The following ATP2B2 variants were observed in gnomAD, a reference collection of about 807,000 sequenced individuals.
ATP2B2 encodes plasma membrane calcium-transporting ATPase 2.
In ATP2B2, 15 loss-of-function variants were observed where a neutral mutation model predicts 120.0. That is an observed-to-expected ratio of 0.12 (90% CI 0.08 to 0.19). The LOEUF is 0.19. ATP2B2 is among the 10% of genes least tolerant of loss of function. The pLI is 1.00. For synonymous variants in ATP2B2, 694 were observed against 700.3 expected (o/e 0.99, Z 0.14); for missense variants, 1,045 against 1,719.8 (o/e 0.61, Z 6.94).
intron 1 of ATP2B2, among the ~76,000 whole-genome samples, chr3:10,501,805 G>C (rs1281389562): frequency 2.6e-5 from 4 of 152,120 alleles, no homozygotes; most frequent in African/African-American, 4.8e-5. Flanking sequence ...GAACAGCATG[G>C]TGTCTAGGCC....
At chr3:10,471,096 GCAGTCCGACCTGCC>G (rs1559378505) in intron 1 of ATP2B2, among the ~76,000 whole-genome samples, 1 of 152,186 alleles carries the variant, frequency 6.6e-6, no homozygotes, top group Non-Finnish European at 1.5e-5. Context: ...AACCCGATCC[GCAGTCCGACCTGCC>G]CAGTCCAACT....
At chr3:10,379,109 A>G in intron 9 of ATP2B2, 134 bp downstream of exon 9, 5 of 1,076,516 alleles carry the variant, frequency 4.6e-6, no homozygotes, top group Non-Finnish European at 7.0e-6. Flanking sequence ...CTACACCCCC[A>G]AGGTCGTCAG....
chr3:10,634,740 C>A (rs1473310188), intron 1 of ATP2B2, among the ~76,000 whole-genome samples: 5 of 152,176 alleles, frequency 3.3e-5, no homozygotes, highest in African/African-American at 7.2e-5. Flanking sequence ...GCCTTCTGAA[C>A]CTTGACCCCA....
chr3:10,578,378 A>C (rs1164995600), intron 2 of ATP2B2, among the ~76,000 whole-genome samples: 6 of 151,860 alleles, frequency 4.0e-5, no homozygotes, highest in Non-Finnish European at 8.8e-5. Flanking sequence ...TCCCGTTTCT[A>C]CTAAAAAAAA....
At position 10,616,682 on chromosome 3, in the gene ATP2B2, G is replaced by GCACACACA. The variant is rs34616841; in HGVS notation, c.-415+3227_-415+3234dup. Reference sequence around the variant, plus strand: ...TTCTTATACAGCTGACTAGCAAAATGCACACACACACACACACTCATTGGT... The same window carrying GCACACACA: ...TTCTTATACAGCTGACTAGCAAAATGCACACACACACACACACACACACACTCATTGGT... On this transcript the variant is annotated intron_variant, in intron 2 of 21. Coordinates refer to the ATP2B2 transcript ENST00000646379. 6.0e-5 allele frequency among the ~76,000 whole-genome samples: 9 copies of GCACACACA among 151,172 alleles called. No homozygotes were observed. The South Asian group carries it at 6.3e-4, about 11-fold the overall frequency.
At chr3:10,377,954 C>T (rs1045412271) in intron 10 of ATP2B2, among the ~76,000 whole-genome samples, 1 of 152,212 alleles carries the variant, frequency 6.6e-6, no homozygotes, top group Non-Finnish European at 1.5e-5. Flanking sequence ...TACAGAGGCT[C>T]AGAGCTAGAA....
rs548888704 is a variant in ATP2B2, at chr3:10,529,335, G to A, written c.-320+4704C>T. On this transcript the variant is annotated intron_variant, in intron 3 of 21. Coordinates refer to the ATP2B2 transcript ENST00000646379. Reference sequence around the variant, plus strand: ...AGCCAGTTGCGTACTTACCTGTTTTGTGGCCTTCCTGCCTGTAACCACCTT... The same window carrying A: ...AGCCAGTTGCGTACTTACCTGTTTTATGGCCTTCCTGCCTGTAACCACCTT... Among the ~76,000 whole-genome samples, 47 of 152,322 alleles carry A rather than the reference G, an allele frequency of 3.1e-4. No homozygotes were observed. The South Asian group carries it at 9.5e-3, about 31-fold the overall frequency.
chr3:10,428,238 G>A (rs1044617409), intron 2 of ATP2B2, among the ~76,000 whole-genome samples: 2 of 152,236 alleles, frequency 1.3e-5, no homozygotes, highest in Non-Finnish European at 2.9e-5. Context: ...GATGAGATGA[G>A]TCAGTAATGC....
At chr3:10,612,475 C>A (rs1401803955) in intron 2 of ATP2B2, among the ~76,000 whole-genome samples, 1 of 152,172 alleles carries the variant, frequency 6.6e-6, no homozygotes, top group African/African-American at 2.4e-5. Flanking sequence ...CCTCCTACCT[C>A]TCTGGCCCCT....
chr3:10,640,326 C>T (rs1343912764), intron 1 of ATP2B2, among the ~76,000 whole-genome samples: 1 of 152,170 alleles, frequency 6.6e-6, no homozygotes, highest in Non-Finnish European at 1.5e-5. Flanking sequence ...CAGACAGACA[C>T]AAGTGGTCCA....
At chr3:10,474,641 C>T (rs1284675811) in intron 1 of ATP2B2, among the ~76,000 whole-genome samples, 2 of 152,248 alleles carry the variant, frequency 1.3e-5, no homozygotes, top group Non-Finnish European at 2.9e-5. Context: ...CTGCCTGCTT[C>T]TTCAGGCTCA....
At chr3:10,376,205 CA>C (rs1301507081) in intron 10 of ATP2B2, among the ~76,000 whole-genome samples, 1 of 151,810 alleles carries the variant, frequency 6.6e-6, no homozygotes, top group Non-Finnish European at 1.5e-5. Flanking sequence ...AGACAAGAAA[CA>C]AAAAAACGAA....
chr3:10,414,841 AG>A (rs2062728838), intron 2 of ATP2B2, among the ~76,000 whole-genome samples: 1 of 151,896 alleles, frequency 6.6e-6, no homozygotes, highest in Admixed American at 6.6e-5. Flanking sequence ...GACTTCCGAG[AG>A]GCCCTCTGTT....
intron 2 of ATP2B2, among the ~76,000 whole-genome samples, chr3:10,606,880 A>AACACAC (rs147614282): frequency 0.063 from 6,259 of 99,486 alleles, 300 homozygotes; most frequent in Admixed American, 0.08. Context: ...ACGGAGTCTA[A>AACACAC]ACACACACAC....
intron 2 of ATP2B2, among the ~76,000 whole-genome samples, chr3:10,593,078 G>T (rs1006601407): frequency 2.6e-5 from 4 of 152,142 alleles, no homozygotes; most frequent in Non-Finnish European, 5.9e-5. Context: ...GAACCACCAC[G>T]CCCAGCCCAT....
intron 1 of ATP2B2, among the ~76,000 whole-genome samples, chr3:10,692,383 T>C (rs1393793694): frequency 6.6e-6 from 1 of 152,228 alleles, no homozygotes; most frequent in East Asian, 1.9e-4. Context: ...ACAAGTCATC[T>C]GGCCTCGCAG....
In ATP2B2 at chr3:10,388,408, A is replaced by T. The variant is rs1237406027; in HGVS notation, c.782-6T>A. 1 of 1,614,010 alleles carries T rather than the reference A, an allele frequency of 6.2e-7. No individual in the cohort carries two copies. Among genetic ancestry groups the T allele is most frequent in the Non-Finnish European group, 8.5e-7 (1 of 1,180,024 alleles). On this transcript the variant is annotated splice_region_variant and splice_polypyrimidine_tract_variant and intron_variant, in intron 5 of 22. Coordinates refer to ENST00000360273, the MANE Select transcript of ATP2B2 (RefSeq NM_001001331.4). Reference sequence around the variant, plus strand: ...GCCCTCCATCACGTGGGTTCCTGGGAAAGGGGACAAAAGCCAAGTTACCAT... The same window carrying T: ...GCCCTCCATCACGTGGGTTCCTGGGTAAGGGGACAAAAGCCAAGTTACCAT...
intron 1 of ATP2B2, among the ~76,000 whole-genome samples, chr3:10,478,831 T>G (rs1281639403): frequency 6.6e-6 from 1 of 152,218 alleles, no homozygotes; most frequent in Non-Finnish European, 1.5e-5. Flanking sequence ...CATCCAAATC[T>G]CATCTTGAAT....
intron 14 of ATP2B2, among the ~76,000 whole-genome samples, chr3:10,355,839 C>A (rs567670930): frequency 4.4e-5 from 2 of 45,132 alleles, no homozygotes; most frequent in African/African-American, 7.5e-5. Context: ...TTTGGGAGGC[C>A]GAGGCGGGCG....
Sources: allele counts gnomAD v4.1 joint callset (sites outside exome capture counted in the v4.1 genomes callset), GRCh38; gene constraint gnomAD v4.1.1; transcripts MANE v1.5; gene names NCBI Gene and HGNC (gene_info 2026-07-23, HGNC 2026-07-21).